The following ITM2B variants were observed in gnomAD, a reference collection of about 807,000 sequenced individuals.
ITM2B encodes the protein integral membrane protein 2B, also known as ABri/ADan amyloid peptide.
A neutral mutation model predicts 27.8 loss-of-function variants in ITM2B; 11 were observed. The observed-to-expected ratio is 0.40, with a 90% CI of 0.25 to 0.66. ITM2B has a LOEUF of 0.66. Among genes scored for constraint, ITM2B ranks in the 30% least tolerant of loss-of-function variants. ITM2B has a pLI of 0.43. For synonymous variants in ITM2B, 114 were observed against 114.3 expected (o/e 1.00, Z 0.02); for missense variants, 296 against 328.9 (o/e 0.90, Z 0.77).
chr13:48,261,849 T>G lies in ITM2B; in HGVS notation c.*625T>G, dbSNP rs1951825079. 6.6e-6 allele frequency: 1 copy of G among 152,614 alleles called. No homozygotes were observed. The highest frequency in any genetic ancestry group is 2.4e-5 in the African/African-American group (1 of 41,460). The allele number at this position is 152,614 out of a possible 1,614,324, so 9.5% of individuals were successfully genotyped here. On this transcript the variant is annotated 3_prime_UTR_variant, in exon 6 of 6. Coordinates refer to ENST00000647800, the MANE Select transcript of ITM2B (RefSeq NM_021999.5). Reference sequence around the variant, plus strand: ...TAACCCATATCTGTGCAATGGAATATAAATATCACAAAGTTGTTTAACTAG... The same window carrying G: ...TAACCCATATCTGTGCAATGGAATAGAAATATCACAAAGTTGTTTAACTAG...
chr13:48,243,115 T>G (rs1335144063), intron 1 of ITM2B, among the ~76,000 whole-genome samples: 1 of 151,986 alleles, frequency 6.6e-6, no homozygotes, highest in Non-Finnish European at 1.5e-5. Context: ...TCAGACAGGA[T>G]GGTCTAGAAA....
At chr13:48,260,646 T>G (rs1951816848) in intron 5 of ITM2B, among the ~76,000 whole-genome samples, 1 of 152,162 alleles carries the variant, frequency 6.6e-6, no homozygotes, top group African/African-American at 2.4e-5. Flanking sequence ...GTTTCTGTGT[T>G]AATTCATTTA....
At chr13:48,247,954 TACCTTTTAAGCGCG>T in intron 1 of ITM2B, among the ~76,000 whole-genome samples, 1 of 152,236 alleles carries the variant, frequency 6.6e-6, no homozygotes, top group South Asian at 2.1e-4. Flanking sequence ...GGAGTTCTGT[TACCTTTTAAGCGCG>T]ATGCAAGGTG....
chr13:48,238,595 A>G (rs1951682017), intron 1 of ITM2B, among the ~76,000 whole-genome samples: 1 of 152,226 alleles, frequency 6.6e-6, no homozygotes, highest in Non-Finnish European at 1.5e-5. Flanking sequence ...AAGTACGACA[A>G]AAGAGAAATA....
chr13:48,246,303 AC>A (rs1367045391), intron 1 of ITM2B, among the ~76,000 whole-genome samples: 5 of 152,212 alleles, frequency 3.3e-5, no homozygotes. Flanking sequence ...CACTAGGAAA[AC>A]TGCTTCCTTT....
At chr13:48,251,566 T>C (rs1033664770) in intron 1 of ITM2B, among the ~76,000 whole-genome samples, 2 of 152,234 alleles carry the variant, frequency 1.3e-5, no homozygotes, top group African/African-American at 4.8e-5. Flanking sequence ...AAATGATATA[T>C]TACAATGCCT....
At chr13:48,245,277 G>C (rs1349696637) in intron 1 of ITM2B, among the ~76,000 whole-genome samples, 4 of 151,158 alleles carry the variant, frequency 2.6e-5, no homozygotes, top group African/African-American at 9.8e-5. Context: ...AGTGAGCTGA[G>C]ATGGCACCAC....
intron 1 of ITM2B, among the ~76,000 whole-genome samples, chr13:48,250,044 A>G (rs993635070): frequency 6.6e-6 from 1 of 152,198 alleles, no homozygotes; most frequent in Non-Finnish European, 1.5e-5. Context: ...ATGGAACATC[A>G]TTTATCTATC....
At chr13:48,239,611 G>A (rs1160173462) in intron 1 of ITM2B, among the ~76,000 whole-genome samples, 1 of 152,202 alleles carries the variant, frequency 6.6e-6, no homozygotes, top group African/African-American at 2.4e-5. Flanking sequence ...CAGCCTGGGT[G>A]ACACAGCAAG....
chr13:48,234,172 C>G (rs927286816), intron 1 of ITM2B, among the ~76,000 whole-genome samples: 2 of 152,088 alleles, frequency 1.3e-5, no homozygotes, highest in South Asian at 2.1e-4. Flanking sequence ...GTATCAGCGT[C>G]TTTGTGAGGA....
In ITM2B at chr13:48,268,143, G is replaced by T. The variant is rs368861644; in HGVS notation, c.*6919G>T. 1.3e-5 allele frequency: 2 copies of T among 151,996 alleles called. No individual in the cohort carries two copies. The highest frequency in any genetic ancestry group is 2.9e-5 in the Non-Finnish European group (2 of 68,012). 9.4% of individuals were successfully genotyped at this position (151,996 alleles called of 1,614,324 possible). On this transcript the variant is annotated 3_prime_UTR_variant, in exon 6 of 6. Transcript: ENST00000647800. ...TCTTGAACTTTATTTGAATGGAATC[G>T]TACATATATAATCTTTTTGTTTGGC...
chr13:48,236,827 G>T (rs765777305), intron 1 of ITM2B, among the ~76,000 whole-genome samples: 17 of 152,158 alleles, frequency 1.1e-4, no homozygotes, highest in Non-Finnish European at 5.9e-5. Context: ...TGCTTCATAT[G>T]TATCCCTGCA....
At chr13:48,248,062 A>T (rs1452654855) in intron 1 of ITM2B, among the ~76,000 whole-genome samples, 1 of 152,188 alleles carries the variant, frequency 6.6e-6, no homozygotes, top group Non-Finnish European at 1.5e-5. Context: ...TACCCCAGTG[A>T]AGAAGCTCTT....
intron 1 of ITM2B, among the ~76,000 whole-genome samples, chr13:48,250,396 A>G (rs569111573): frequency 5.3e-5 from 8 of 152,170 alleles, no homozygotes; most frequent in Non-Finnish European, 7.4e-5. Context: ...GAGGCGGGTG[A>G]ATCACGAGGT....
intron 1 of ITM2B, among the ~76,000 whole-genome samples, chr13:48,249,523 T>C (rs1335050887): frequency 6.6e-6 from 1 of 152,212 alleles, no homozygotes; most frequent in African/African-American, 2.4e-5. Flanking sequence ...TTTAAATAAT[T>C]TGACTTTCTT....
intron 1 of ITM2B, among the ~76,000 whole-genome samples, chr13:48,237,747 T>A (rs1951676827): frequency 6.6e-6 from 1 of 152,212 alleles, no homozygotes; most frequent in Non-Finnish European, 1.5e-5. Flanking sequence ...ATTTTATTTC[T>A]CTTAGTTTTA....
chr13:48,233,671 G>A (rs1360436186), intron 1 of ITM2B, among the ~76,000 whole-genome samples, 194 bp downstream of exon 1: 6 of 152,134 alleles, frequency 3.9e-5, no homozygotes, highest in Non-Finnish European at 8.8e-5. Flanking sequence ...TGCTGGAAGC[G>A]GTGCCTGACG....
At chr13:48,255,798 T>A (rs1951783643) in intron 2 of ITM2B, among the ~76,000 whole-genome samples, 1 of 152,246 alleles carries the variant, frequency 6.6e-6, no homozygotes, top group Non-Finnish European at 1.5e-5. Context: ...CAAAACTTTT[T>A]AATATATTCT....
intron 1 of ITM2B, among the ~76,000 whole-genome samples, chr13:48,244,972 A>T (rs1249354225): frequency 6.6e-6 from 1 of 152,182 alleles, no homozygotes; most frequent in Non-Finnish European, 1.5e-5. Context: ...GCTTTTTGCT[A>T]TCCCAGTGCC....
Sources: gnomAD v4.1 joint callset for allele counts (sites outside exome capture counted in the v4.1 genomes callset) on GRCh38, gnomAD v4.1.1 for gene constraint, MANE v1.5 for transcripts, NCBI Gene and HGNC (gene_info 2026-07-23, HGNC 2026-07-21) for gene names.